The following PCDHA2 variants were observed in gnomAD, a reference collection of about 807,000 sequenced individuals.
PCDHA2 encodes protocadherin alpha-2.
Under a neutral mutation model 66.0 loss-of-function variants are expected in PCDHA2, and 58 were observed. That is an observed-to-expected ratio of 0.88 (90% CI 0.71 to 1.09). The LOEUF is 1.09. Ranked by LOEUF, PCDHA2 falls within the 50% of genes least tolerant of loss-of-function variation. PCDHA2 has a pLI of 0.00. For missense variants in PCDHA2, 1,267 were observed against 1,242.3 expected (o/e 1.02, Z -0.30); for synonymous variants, 634 against 554.0 (o/e 1.14, Z -2.03).
intron 1 of PCDHA2, among the ~76,000 whole-genome samples, chr5:140,799,312 T>C (rs975453079): frequency 6.6e-6 from 1 of 152,130 alleles, no homozygotes; most frequent in Admixed American, 6.5e-5. Flanking sequence ...AGTATAACTC[T>C]TAAAGGTACT....
intron 1 of PCDHA2, chr5:140,808,552 C>T: frequency 2.5e-6 from 4 of 1,614,114 alleles, no homozygotes; most frequent in Non-Finnish European, 2.5e-6. Flanking sequence ...CTCCGGCGTT[C>T]GCGCAGCCCG....
At chr5:140,911,250 A>G (rs1165718759) in intron 1 of PCDHA2, among the ~76,000 whole-genome samples, 1 of 152,166 alleles carries the variant, frequency 6.6e-6, no homozygotes. Context: ...AAGTTTCATC[A>G]GAATTTATAA....
intron 3 of PCDHA2, among the ~76,000 whole-genome samples, chr5:141,007,767 G>T (rs1322859075): frequency 6.6e-6 from 1 of 152,142 alleles, no homozygotes; most frequent in African/African-American, 2.4e-5. Context: ...TATTGGCCTG[G>T]AAATGGTACT....
At chr5:140,981,342 G>A (rs2096927846) in intron 2 of PCDHA2, among the ~76,000 whole-genome samples, 1 of 152,176 alleles carries the variant, frequency 6.6e-6, no homozygotes, top group African/African-American at 2.4e-5. Flanking sequence ...GGGAGGGTGA[G>A]GCAGGTGGAT....
chr5:140,835,527 A>T, intron 1 of PCDHA2: 1 of 1,613,968 alleles, frequency 6.2e-7, no homozygotes, highest in Non-Finnish European at 8.5e-7. Context: ...TTTTGGAGTC[A>T]ACGGACAGGT....
chr5:140,832,741 C>A (rs1477110560), intron 1 of PCDHA2, among the ~76,000 whole-genome samples: 1 of 152,038 alleles, frequency 6.6e-6, no homozygotes, highest in Non-Finnish European at 1.5e-5. Flanking sequence ...TACATAAATA[C>A]GATGATAGTA....
intron 1 of PCDHA2, among the ~76,000 whole-genome samples, chr5:140,944,313 G>A (rs2093639720): frequency 6.6e-6 from 1 of 152,066 alleles, no homozygotes; most frequent in Non-Finnish European, 1.5e-5. Context: ...TCAGCCTCCT[G>A]AGTAGCTGGG....
At chr5:141,001,653 G>A (rs2098030504) in intron 3 of PCDHA2, among the ~76,000 whole-genome samples, 1 of 152,182 alleles carries the variant, frequency 6.6e-6, no homozygotes, top group African/African-American at 2.4e-5. Context: ...TGTGGGAGAA[G>A]GCGGAGCTTG....
At chr5:140,823,863 C>G (rs139591086) in intron 1 of PCDHA2, 4 of 1,613,882 alleles carry the variant, frequency 2.5e-6, no homozygotes, top group Admixed American at 3.3e-5. Context: ...TGGATGTCAA[C>G]GTGTACCTGA....
chr5:140,884,762 A>C, intron 1 of PCDHA2: 1 of 1,423,132 alleles, frequency 7.0e-7, no homozygotes, highest in Non-Finnish European at 9.2e-7. Flanking sequence ...ATTATTCTTT[A>C]CTTTAATTTT....
chr5:140,797,217 G>T lies in PCDHA2; in HGVS notation c.2253G>T (p.Ser751=). ...GCGCCGTGGGGAGCTGGTCTTACTC[G>T]CAGCAGAGGCGGCAGAGGGTGTGCT... ...CSSAVGSWSY[S]QQRRQRVCSG... Residue 751 remains serine (S), a synonymous_variant, in exon 1 of 4, where the codon TCG becomes TCT. Coordinates refer to ENST00000526136, the MANE Select transcript of PCDHA2 (RefSeq NM_018905.3). 6.2e-7 allele frequency: 1 copy of T among 1,614,198 alleles called. No homozygotes were observed. Among genetic ancestry groups the T allele is most frequent in the Non-Finnish European group, 8.5e-7 (1 of 1,180,044 alleles).
chr5:141,009,539 C>T, intron 3 of PCDHA2, 88 bp from the exon 4 acceptor site: 1 of 1,522,752 alleles, frequency 6.6e-7, no homozygotes, highest in Non-Finnish European at 8.8e-7. Flanking sequence ...TTCAGCCTGC[C>T]TATGCAGTAC....
At chr5:140,895,677 G>T (rs1554186594) in intron 1 of PCDHA2, among the ~76,000 whole-genome samples, 2 of 151,984 alleles carry the variant, frequency 1.3e-5, no homozygotes, top group African/African-American at 4.8e-5. Flanking sequence ...GTAGTATTTG[G>T]TTTTCTGTTT....
intron 1 of PCDHA2, chr5:140,866,411 A>G (rs2049340937): frequency 6.6e-6 from 1 of 152,118 alleles, no homozygotes; most frequent in African/African-American, 2.4e-5. Context: ...GAAAATCTTC[A>G]AATGTGTGTA....
rs2150406668 is a variant in PCDHA2, at chr5:140,848,164, G to C, written c.2388+50812G>C. ...TAGAGGCAGTCAGTCTGCTAAGAAG[G>C]CTCCAGCAAGAGAAACGGGATCTTC... On this transcript the variant is annotated intron_variant, in intron 1 of 3. Transcript: ENST00000526136. 62 of 251,046 alleles carry C rather than the reference G, an allele frequency of 2.5e-4. 5 individuals are homozygous for C. Among genetic ancestry groups the C allele is most frequent in the African/African-American group, 1.2e-3 (56 of 44,864 alleles). The allele number at this position is 251,046 out of a possible 1,614,324, so 15.6% of individuals were successfully genotyped here.
At chr5:140,856,855 T>C in intron 1 of PCDHA2, 3 of 1,594,310 alleles carry the variant, frequency 1.9e-6, no homozygotes, top group Middle Eastern at 1.7e-4. Context: ...CTGATTCGGA[T>C]GAAGGAATAA....
chr5:140,917,324 C>CGGGGGGG (rs1299895515), intron 1 of PCDHA2, among the ~76,000 whole-genome samples: 2 of 76,152 alleles, frequency 2.6e-5, no homozygotes, highest in African/African-American at 4.3e-5. Flanking sequence ...GTTCATGTGG[C>CGGGGGGG]GGGGGAGGGG....
chr5:140,856,786 T>C (rs1304575446), intron 1 of PCDHA2: 4 of 1,596,308 alleles, frequency 2.5e-6, no homozygotes, highest in East Asian at 4.5e-5. Context: ...GACCGGTTTA[T>C]GAAGTTAAGA....
At chr5:140,838,240 A>C (rs181955850) in intron 1 of PCDHA2, among the ~76,000 whole-genome samples, 1 of 150,206 alleles carries the variant, frequency 6.7e-6, no homozygotes, top group Admixed American at 6.6e-5. Context: ...CAGTCTCCCA[A>C]GTAGCTGGGA....
Sources: allele counts gnomAD v4.1 joint callset (sites outside exome capture counted in the v4.1 genomes callset), GRCh38; gene constraint gnomAD v4.1.1; transcripts MANE v1.5; gene names NCBI Gene and HGNC (gene_info 2026-07-23, HGNC 2026-07-21).